The following ARAP2 variants were observed in gnomAD, a reference collection of about 807,000 sequenced individuals.
The protein encoded by ARAP2 is arf-GAP with Rho-GAP domain, ANK repeat and PH domain-containing protein 2.
ARAP2 carries 148 observed loss-of-function variants against 194.5 expected under a neutral mutation model. That is an observed-to-expected ratio of 0.76 (90% CI 0.67 to 0.87). ARAP2 has a LOEUF of 0.87. Ranked by LOEUF, ARAP2 falls within the 40% of genes least tolerant of loss-of-function variation. ARAP2 has a pLI of 0.00. For missense variants in ARAP2, 2,128 were observed against 1,989.7 expected (o/e 1.07, Z -1.32); for synonymous variants, 695 against 683.5 (o/e 1.02, Z -0.26).
intron 6 of ARAP2, among the ~76,000 whole-genome samples, chr4:36,205,440 T>G (rs1037144993): frequency 9.2e-5 from 14 of 152,156 alleles, no homozygotes; most frequent in Admixed American, 2.6e-4. Flanking sequence ...ATGTACTACT[T>G]TCTGACATTT....
chr4:36,116,933 C>T (rs1015265641), intron 25 of ARAP2, 128 bp downstream of exon 25: 1 of 486,752 alleles, frequency 2.1e-6, no homozygotes, highest in Non-Finnish European at 3.4e-6. Flanking sequence ...TATAAAAAGT[C>T]TATGTTGTCA....
At chr4:36,050,482 A>G (rs1199412144) in intron 3 of ARAP2, among the ~76,000 whole-genome samples, 1 of 152,220 alleles carries the variant, frequency 6.6e-6, no homozygotes, top group Non-Finnish European at 1.5e-5. Context: ...TAAGAACAGA[A>G]GGATTTTCAT....
At chr4:36,043,476 G>A (rs970803037) in intron 5 of ARAP2, among the ~76,000 whole-genome samples, 3 of 152,018 alleles carry the variant, frequency 2.0e-5, no homozygotes, top group African/African-American at 4.8e-5. Flanking sequence ...GTTAGCCAAC[G>A]GTGTTTGGAC....
At chr4:36,205,133 T>C (rs116490419) in intron 6 of ARAP2, among the ~76,000 whole-genome samples, 2,100 of 151,942 alleles carry the variant, frequency 0.014, 44 homozygotes, top group African/African-American at 0.041. Context: ...GTAGCCTTTA[T>C]AGTTATACTA....
intron 4 of ARAP2, 110 bp from the exon 5 acceptor site, chr4:36,212,597 G>A: frequency 1.6e-6 from 1 of 619,304 alleles, no homozygotes. Context: ...TCTGAGTTTA[G>A]TTTTATTAAA....
chr4:36,010,053 C>A (rs1421730226), intron 9 of ARAP2, among the ~76,000 whole-genome samples: 1 of 151,776 alleles, frequency 6.6e-6, no homozygotes, highest in Non-Finnish European at 1.5e-5. Context: ...TCTTTTCATC[C>A]TTTGATTCAA....
chr4:36,218,131 T>C (rs1027114178), intron 2 of ARAP2, among the ~76,000 whole-genome samples: 7 of 152,242 alleles, frequency 4.6e-5, no homozygotes, highest in African/African-American at 1.7e-4. Flanking sequence ...TAACAGACTA[T>C]TGAACTAGAA....
chr4:36,080,967 T>A (rs1729398390), intron 30 of ARAP2, among the ~76,000 whole-genome samples: 1 of 152,160 alleles, frequency 6.6e-6, no homozygotes, highest in Non-Finnish European at 1.5e-5. Context: ...TTGTTCTTTA[T>A]AAGAGGAAAA....
At chr4:36,007,062 AAGAG>A (rs895512540) in intron 9 of ARAP2, 1 of 152,064 alleles carries the variant, frequency 6.6e-6, no homozygotes, top group Non-Finnish European at 1.5e-5. Flanking sequence ...GAAGGAAAAA[AAGAG>A]AGAGAGTTAC....
intron 11 of ARAP2, among the ~76,000 whole-genome samples, chr4:36,161,942 A>C (rs1197409637): frequency 6.6e-6 from 1 of 151,994 alleles, no homozygotes; most frequent in Non-Finnish European, 1.5e-5. Context: ...CCCCGTCTCT[A>C]CTAAAAATAC....
intron 1 of ARAP2, among the ~76,000 whole-genome samples, chr4:36,058,854 GAAGT>G (rs1276767908): frequency 6.6e-6 from 1 of 152,132 alleles, no homozygotes; most frequent in Non-Finnish European, 1.5e-5. Context: ...TAAGCCCAAT[GAAGT>G]AAGAAGATAA....
intron 19 of ARAP2, among the ~76,000 whole-genome samples, chr4:36,137,547 T>A (rs71604015): frequency 1.3e-5 from 2 of 151,634 alleles, no homozygotes; most frequent in Non-Finnish European, 2.9e-5. Context: ...TTTTGACTGA[T>A]CCCTTAAAGG....
chr4:36,147,860 T>C (rs531917357), intron 17 of ARAP2, 114 bp from the exon 18 acceptor site: 2 of 925,632 alleles, frequency 2.2e-6, no homozygotes, highest in Admixed American at 3.1e-5. Context: ...ATTTTAAAGA[T>C]TCAAAGGTAA....
intron 9 of ARAP2, among the ~76,000 whole-genome samples, chr4:36,171,230 T>C (rs948774134): frequency 2.0e-5 from 3 of 152,192 alleles, no homozygotes; most frequent in Admixed American, 6.5e-5. Context: ...CGTATGTTTA[T>C]TGCAGCACTA....
At chr4:36,114,407 T>C in intron 25 of ARAP2, 120 bp from the exon 26 acceptor site, 1 of 652,698 alleles carries the variant, frequency 1.5e-6, no homozygotes, top group Non-Finnish European at 2.7e-6. Flanking sequence ...TGAGCATGGT[T>C]AAAACCAGCT....
At chr4:36,054,083 C>A (rs1723105567) in intron 2 of ARAP2, among the ~76,000 whole-genome samples, 1 of 152,170 alleles carries the variant, frequency 6.6e-6, no homozygotes, top group Admixed American at 6.5e-5. Flanking sequence ...GCAAATTAGG[C>A]ATGCCTTTCA....
At chr4:36,210,109 C>A (rs367927332) in intron 6 of ARAP2, among the ~76,000 whole-genome samples, 1 of 152,040 alleles carries the variant, frequency 6.6e-6, no homozygotes. Flanking sequence ...CATTTTGATG[C>A]GAACTTAGAA....
In ARAP2 at chr4:36,091,921, A is replaced by G. The variant is rs1713770924; in HGVS notation, c.4385T>C (p.Val1462Ala). 1.9e-6 allele frequency: 3 copies of G among 1,608,160 alleles called. No homozygotes were observed. The highest frequency in any genetic ancestry group is 2.7e-5 in the African/African-American group (2 of 74,812). ...SGNKFQDRYF[V>A]LRDGFLFLYK... ...AAGAAAGAGAAACCCATCTCGTAAA[A>G]CAAAATACCGGTCTTGAAACTTATT... is the stretch of plus-strand genomic sequence containing the variant. The change falls in exon 28 of 33, where the codon GTT (valine) becomes GCT (alanine). Residue 1462 changes from valine to alanine, a missense_variant. Coordinates refer to ENST00000303965, the MANE Select transcript of ARAP2 (RefSeq NM_015230.4).
At chr4:36,138,689 T>C (rs1705152354) in intron 19 of ARAP2, among the ~76,000 whole-genome samples, 3 of 151,712 alleles carry the variant, frequency 2.0e-5, no homozygotes, top group South Asian at 2.1e-4. Flanking sequence ...AGTCATTTTG[T>C]GGACATATAT....
Sources: gnomAD v4.1 joint callset for allele counts (sites outside exome capture counted in the v4.1 genomes callset) on GRCh38, gnomAD v4.1.1 for gene constraint, MANE v1.5 for transcripts, NCBI Gene and HGNC (gene_info 2026-07-23, HGNC 2026-07-21) for gene names.